SNX25: variants seen among roughly 807,000 people sequenced by gnomAD.
SNX25 encodes sorting nexin-25.
A neutral mutation model predicts 113.7 loss-of-function variants in SNX25; 62 were observed. The observed-to-expected ratio is 0.55, with a 90% CI of 0.44 to 0.67. The LOEUF is 0.67. Ranked by LOEUF, SNX25 falls within the 30% of genes least tolerant of loss-of-function variation. The pLI is 0.00. For synonymous variants in SNX25, 421 were observed against 436.2 expected, an observed-to-expected ratio of 0.97 and a Z score of 0.43; for missense variants, 1,014 against 1,161.0, an observed-to-expected ratio of 0.87 and a Z score of 1.84.
chr4:185,268,358 A>G (rs1748432532), intron 5 of SNX25, among the ~76,000 whole-genome samples: 1 of 152,218 alleles, frequency 6.6e-6, no homozygotes, highest in African/African-American at 2.4e-5. Flanking sequence ...TATCTTTTAT[A>G]GGGGAGCACA....
chr4:185,357,333 AAAATAGG>A (rs761886473), intron 15 of SNX25, among the ~76,000 whole-genome samples: 29 of 152,226 alleles, frequency 1.9e-4, no homozygotes, highest in Non-Finnish European at 3.7e-4. Context: ...ACAGAAATCT[AAAATAGG>A]AATTACACTG....
chr4:185,369,673 T>A, intron 11 of SNX25: 1 of 400,378 alleles, frequency 2.5e-6, no homozygotes, highest in South Asian at 1.9e-5. Flanking sequence ...TGTTTTAATA[T>A]GGCTTTGATG....
At chr4:185,256,471 A>G (rs1746441997) in intron 2 of SNX25, among the ~76,000 whole-genome samples, 1 of 152,172 alleles carries the variant, frequency 6.6e-6, no homozygotes, top group Non-Finnish European at 1.5e-5. Context: ...CCATGAAAAA[A>G]GCCATCATAG....
chr4:185,212,493 T>TTG (rs1560890060), intron 1 of SNX25, among the ~76,000 whole-genome samples: 4 of 77,080 alleles, frequency 5.2e-5, no homozygotes, highest in East Asian at 6.4e-4. Flanking sequence ...GTGTGTGTGT[T>TTG]TTTTTTTTTT....
intron 12 of SNX25, among the ~76,000 whole-genome samples, chr4:185,343,943 G>C (rs1402723892): frequency 1.3e-5 from 2 of 152,168 alleles, no homozygotes; most frequent in Admixed American, 1.3e-4. Flanking sequence ...CCTCAGCCAG[G>C]CATGTTGGCT....
At chr4:185,349,328 T>C (rs1446874056) in intron 13 of SNX25, among the ~76,000 whole-genome samples, 1 of 152,246 alleles carries the variant, frequency 6.6e-6, no homozygotes, top group Admixed American at 6.5e-5. Flanking sequence ...ACGCCTAAGT[T>C]GATGCCATGT....
chr4:185,218,433 C>T (rs1168876557), intron 1 of SNX25, among the ~76,000 whole-genome samples: 1 of 152,192 alleles, frequency 6.6e-6, no homozygotes, highest in South Asian at 2.1e-4. Flanking sequence ...GAAATCCCAG[C>T]AGGTTTGCAT....
intron 6 of SNX25, among the ~76,000 whole-genome samples, chr4:185,296,357 CA>C (rs1752838673): frequency 6.6e-6 from 1 of 152,176 alleles, no homozygotes; most frequent in African/African-American, 2.4e-5. Flanking sequence ...TAGGACAGTT[CA>C]AAATAAGGCT....
At chr4:185,216,513 G>GTT (rs34410263) in intron 1 of SNX25, among the ~76,000 whole-genome samples, 241 of 96,672 alleles carry the variant, frequency 2.5e-3, no homozygotes, top group African/African-American at 4.7e-3. Context: ...TGTGTATTTG[G>GTT]TTTTTTTTTT....
intron 5 of SNX25, among the ~76,000 whole-genome samples, chr4:185,287,262 C>CAT (rs1751469767): frequency 6.6e-6 from 1 of 152,192 alleles, no homozygotes; most frequent in Non-Finnish European, 1.5e-5. Context: ...CTTAGGCACA[C>CAT]ATATATATAG....
At chr4:185,227,571 C>T (rs1741209482) in intron 1 of SNX25, among the ~76,000 whole-genome samples, 1 of 152,172 alleles carries the variant, frequency 6.6e-6, no homozygotes, top group South Asian at 2.1e-4. Flanking sequence ...TCATTATGTT[C>T]TTCGTTTCTG....
intron 16 of SNX25, among the ~76,000 whole-genome samples, chr4:185,359,246 A>C (rs2095351759): frequency 6.6e-6 from 1 of 152,102 alleles, no homozygotes; most frequent in Non-Finnish European, 1.5e-5. Context: ...CCAGCTCCTC[A>C]GGAGGCTCAG....
At chr4:185,348,970 TA>T (rs1229996735) in intron 13 of SNX25, among the ~76,000 whole-genome samples, 2 of 152,306 alleles carry the variant, frequency 1.3e-5, no homozygotes, top group East Asian at 3.9e-4. Flanking sequence ...TGTCTTTCTG[TA>T]CCTAGTCTGT....
At chr4:185,320,370 A>C (rs993140757) in intron 7 of SNX25, among the ~76,000 whole-genome samples, 3 of 152,148 alleles carry the variant, frequency 2.0e-5, no homozygotes. Flanking sequence ...GCAAACTAAC[A>C]CAGGAACAGA....
At chr4:185,360,797 T>A (rs1203069393) in intron 16 of SNX25, among the ~76,000 whole-genome samples, 1 of 151,990 alleles carries the variant, frequency 6.6e-6, no homozygotes, top group African/African-American at 2.4e-5. Flanking sequence ...CACACGCCTG[T>A]AGTCCCAGAT....
chr4:185,354,860 C>T (rs531370561), intron 15 of SNX25, among the ~76,000 whole-genome samples: 4 of 152,306 alleles, frequency 2.6e-5, no homozygotes, highest in East Asian at 3.9e-4. Context: ...CACGGGCACA[C>T]CTGACCACCT....
rs146385622 is a variant in SNX25, at chr4:185,341,314, G to A, written c.2047-662G>A. Among the ~76,000 whole-genome samples, 584 of 152,350 alleles carry A rather than the reference G, an allele frequency of 3.8e-3. 2 individuals are homozygous for A. The highest frequency in any genetic ancestry group is 0.013 in the African/African-American group (554 of 41,578). ...TTAATGAGAATAGAAATCAGGGCTT[G>A]TTGGATCCTGAAATTAAACTGGAGG... On this transcript the variant is annotated intron_variant, in intron 11 of 18. Coordinates refer to ENST00000652585, the MANE Select transcript of SNX25 (RefSeq NM_001378034.2).
At chr4:185,246,979 T>C (rs1338855119) in intron 1 of SNX25, among the ~76,000 whole-genome samples, 2 of 152,218 alleles carry the variant, frequency 1.3e-5, no homozygotes, top group Non-Finnish European at 2.9e-5. Flanking sequence ...TTCAAATTCT[T>C]CTTAAGAAAA....
chr4:185,311,042 C>T (rs528329443), intron 7 of SNX25, among the ~76,000 whole-genome samples: 34 of 151,892 alleles, frequency 2.2e-4, no homozygotes, highest in African/African-American at 7.0e-4. Flanking sequence ...TGTGTGTGTG[C>T]GTGTGTGGAT....
Sources: gnomAD v4.1 joint callset for allele counts (sites outside exome capture counted in the v4.1 genomes callset) on GRCh38, gnomAD v4.1.1 for gene constraint, MANE v1.5 for transcripts, NCBI Gene and HGNC (gene_info 2026-07-23, HGNC 2026-07-21) for gene names.